The following NBAS variants were observed in gnomAD, a reference collection of about 807,000 sequenced individuals.
The protein encoded by NBAS is NBAS subunit of NRZ tethering complex, also known as NAG/BC035112 fusion.
NBAS carries 219 observed loss-of-function variants against 302.5 expected under a neutral mutation model. That is an observed-to-expected ratio of 0.72 (90% CI 0.65 to 0.81). The LOEUF (loss-of-function observed/expected upper bound fraction) is 0.81, where lower values mean the gene tolerates loss of function less well. Among genes scored for constraint, NBAS ranks in the 30% least tolerant of loss-of-function variants. The pLI is 0.00. For synonymous variants in NBAS, 1,118 were observed against 1,021.6 expected (o/e 1.09, Z -1.80); for missense variants, 2,932 against 2,841.6 (o/e 1.03, Z -0.72).
intron 51 of NBAS, among the ~76,000 whole-genome samples, chr2:15,168,964 G>T (rs114087204): frequency 2.8e-4 from 42 of 152,292 alleles, no homozygotes; most frequent in Non-Finnish European, 4.1e-4. Context: ...CTCCCTTACC[G>T]ACTGGGAAAT....
At chr2:14,891,985 A>C in the NBAS span, among the ~76,000 whole-genome samples, 1 of 152,168 alleles carries the variant, frequency 6.6e-6, no homozygotes, top group Non-Finnish European at 1.5e-5. Context: ...CTTACCCATC[A>C]TCTCATTAAA....
At chr2:15,341,300 T>C (rs1572687438) in intron 35 of NBAS, among the ~76,000 whole-genome samples, 1 of 152,036 alleles carries the variant, frequency 6.6e-6, no homozygotes, top group African/African-American at 2.4e-5. Context: ...GCTTGAGAAT[T>C]GCTTGAACCC....
intron 26 of NBAS, among the ~76,000 whole-genome samples, chr2:15,398,616 GTGAT>G (rs3085590): frequency 0.62 from 93,545 of 151,368 alleles, 29,651 homozygotes; most frequent in Middle Eastern, 0.68. Context: ...GATTAAATGA[GTGAT>G]TGCTCATTTC....
intron 13 of NBAS, among the ~76,000 whole-genome samples, chr2:15,477,331 G>A (rs867125430): frequency 3.3e-5 from 5 of 151,620 alleles, no homozygotes; most frequent in South Asian, 4.2e-4. Context: ...CCGCGATCTC[G>A]GCTCACTGCA....
In NBAS at chr2:15,180,849, T is replaced by G. The variant is rs572676880; in HGVS notation, c.6712-1733A>C. On this transcript the variant is annotated intron_variant, in intron 50 of 51. Coordinates refer to ENST00000281513, the MANE Select transcript of NBAS (RefSeq NM_015909.4). Reference sequence around the variant, plus strand: ...CTGGACTCTCACACCTCCAGGTGTTTGCACATAGTGTAACTTTTGCTCTTT... The same window carrying G: ...CTGGACTCTCACACCTCCAGGTGTTGGCACATAGTGTAACTTTTGCTCTTT... Among the ~76,000 whole-genome samples the G allele has an allele frequency of 1.4e-4, 21 of 152,346 alleles. No individual in the cohort carries two copies. The South Asian group carries it at 4.3e-3, about 32-fold the overall frequency.
At chr2:15,094,772 C>T in the NBAS span, among the ~76,000 whole-genome samples, 3,713 of 152,242 alleles carry the variant, frequency 0.024, 156 homozygotes, top group African/African-American at 0.081. Context: ...GTCTGTCCTC[C>T]AGGATGGGCC....
intron 41 of NBAS, among the ~76,000 whole-genome samples, chr2:15,287,812 T>G (rs968548852): frequency 3.7e-4 from 56 of 150,894 alleles, no homozygotes; most frequent in African/African-American, 1.4e-3. Context: ...CGTGTAGGCA[T>G]CCCCGCATAA....
At chr2:15,414,692 C>A (rs1049872265) in intron 25 of NBAS, among the ~76,000 whole-genome samples, 4 of 152,156 alleles carry the variant, frequency 2.6e-5, no homozygotes, top group African/African-American at 4.8e-5. Context: ...CGCCTGTAAT[C>A]CCAGCACTTT....
At chr2:14,828,453 G>A in the NBAS span, among the ~76,000 whole-genome samples, 1 of 152,172 alleles carries the variant, frequency 6.6e-6, no homozygotes, top group Admixed American at 6.5e-5. Context: ...GGAAAAAGGA[G>A]GAGAGGTTAG....
the NBAS span, among the ~76,000 whole-genome samples, chr2:15,038,299 C>T: frequency 6.6e-6 from 1 of 151,848 alleles, no homozygotes; most frequent in Admixed American, 6.6e-5. Flanking sequence ...TTTAGTTTCA[C>T]CATGGGGTTT....
chr2:15,478,596 T>G (rs1475136597), intron 12 of NBAS, among the ~76,000 whole-genome samples: 9 of 152,184 alleles, frequency 5.9e-5, no homozygotes, highest in Admixed American at 5.9e-4. Flanking sequence ...CCTATACACA[T>G]GCACACATGT....
chr2:14,958,317 T>C, the NBAS span, among the ~76,000 whole-genome samples: 2 of 152,214 alleles, frequency 1.3e-5, no homozygotes, highest in African/African-American at 2.4e-5. Context: ...ATGGAGTCTT[T>C]GTTTTCTCAT....
chr2:15,509,735 T>C (rs1978373), intron 10 of NBAS, among the ~76,000 whole-genome samples: 2 of 152,036 alleles, frequency 1.3e-5, no homozygotes, highest in African/African-American at 4.8e-5. Flanking sequence ...TGAACACATA[T>C]CATGTTTGAT....
At chr2:14,847,453 C>A in the NBAS span, among the ~76,000 whole-genome samples, 1 of 130,652 alleles carries the variant, frequency 7.7e-6, no homozygotes. Context: ...TATTCCATAC[C>A]AATGAAAATC....
the NBAS span, among the ~76,000 whole-genome samples, chr2:15,009,376 ATC>A: frequency 6.6e-6 from 1 of 152,032 alleles, no homozygotes; most frequent in Admixed American, 6.6e-5. Flanking sequence ...AAAAAGATTT[ATC>A]TGTTTCCTTT....
the NBAS span, among the ~76,000 whole-genome samples, chr2:14,949,753 G>A: frequency 1.3e-5 from 2 of 152,164 alleles, no homozygotes; most frequent in Non-Finnish European, 2.9e-5. Context: ...CCACATGGAT[G>A]GAACTGGAGG....
chr2:15,429,391 T>C (rs2148488171), intron 21 of NBAS, among the ~76,000 whole-genome samples: 1 of 152,358 alleles, frequency 6.6e-6, no homozygotes, highest in Middle Eastern at 3.4e-3. Flanking sequence ...CTAAAATTTA[T>C]CATAGCCCCA....
intron 13 of NBAS, among the ~76,000 whole-genome samples, chr2:15,476,113 G>C (rs1340715486): frequency 6.6e-6 from 1 of 151,986 alleles, no homozygotes; most frequent in African/African-American, 2.4e-5. Flanking sequence ...GTCAGTCTAG[G>C]TCTAAAATTC....
the NBAS span, among the ~76,000 whole-genome samples, chr2:14,926,405 A>G: frequency 6.6e-6 from 1 of 152,280 alleles, no homozygotes; most frequent in East Asian, 1.9e-4. Context: ...CATGGTTCCA[A>G]CACAGTCTCC....
Sources: allele counts gnomAD v4.1 joint callset (sites outside exome capture counted in the v4.1 genomes callset), GRCh38; gene constraint gnomAD v4.1.1; transcripts MANE v1.5; gene names NCBI Gene and HGNC (gene_info 2026-07-23, HGNC 2026-07-21).